The following BBS9 variants were observed in gnomAD, a reference collection of about 807,000 sequenced individuals.
The protein encoded by BBS9 is protein PTHB1.
In BBS9, 89 loss-of-function variants were observed where a neutral mutation model predicts 117.7. The ratio of observed to expected loss-of-function variants is 0.76; its 90% CI spans 0.64 to 0.90. The LOEUF is 0.90. Among genes scored for constraint, BBS9 ranks in the 40% least tolerant of loss-of-function variants. The pLI, the probability that BBS9 is intolerant of heterozygous loss-of-function variation, is 0.00. For synonymous variants in BBS9, 379 were observed against 370.9 expected (o/e 1.02, Z -0.25); for missense variants, 982 against 1,042.2 (o/e 0.94, Z 0.80).
At chr7:33,559,781 T>C (rs1855820899) in intron 21 of BBS9, among the ~76,000 whole-genome samples, 1 of 152,166 alleles carries the variant, frequency 6.6e-6, no homozygotes, top group African/African-American at 2.4e-5. Context: ...CTTCATAATC[T>C]AGTTCCTGTG....
intron 4 of BBS9, among the ~76,000 whole-genome samples, chr7:33,162,081 C>T (rs538926160): frequency 7.2e-4 from 109 of 152,204 alleles, no homozygotes; most frequent in South Asian, 1.5e-3. Context: ...TGCCTGTTCA[C>T]GCTGCTGGTA....
intron 19 of BBS9, among the ~76,000 whole-genome samples, chr7:33,444,360 T>C (rs867834452): frequency 6.6e-6 from 1 of 152,180 alleles, no homozygotes; most frequent in African/African-American, 2.4e-5. Flanking sequence ...CTAAATATGA[T>C]TAGTTATTTT....
chr7:33,418,336 T>C (rs972664249), intron 19 of BBS9, among the ~76,000 whole-genome samples: 1 of 152,130 alleles, frequency 6.6e-6, no homozygotes, highest in Middle Eastern at 3.2e-3. Flanking sequence ...AGCGGAAGAT[T>C]GATGATGTAT....
intron 21 of BBS9, among the ~76,000 whole-genome samples, chr7:33,581,161 A>G (rs971121597): frequency 9.9e-5 from 15 of 151,824 alleles, no homozygotes; most frequent in African/African-American, 1.7e-4. Context: ...TTTTTGTTCT[A>G]AAATGTCCAT....
intron 21 of BBS9, among the ~76,000 whole-genome samples, chr7:33,574,684 AACACACACACACACACAC>A (rs371229936): frequency 8.7e-5 from 12 of 137,648 alleles, no homozygotes; most frequent in African/African-American, 3.3e-4. Flanking sequence ...AGTCATAGAA[AACACACACACACACACAC>A]ACACACACAC....
chr7:33,307,337 C>T (rs751197394), intron 9 of BBS9, among the ~76,000 whole-genome samples: 2 of 152,102 alleles, frequency 1.3e-5, no homozygotes, highest in African/African-American at 4.8e-5. Context: ...TCTTGTTTCT[C>T]ATTTTGAAGA....
chr7:33,301,863 A>G (rs1436299695), intron 9 of BBS9, among the ~76,000 whole-genome samples: 1 of 152,136 alleles, frequency 6.6e-6, no homozygotes, highest in African/African-American at 2.4e-5. Context: ...ACTGCTCTCC[A>G]TAGTGGTTGT....
At chr7:33,218,618 T>C (rs1392805401) in intron 5 of BBS9, among the ~76,000 whole-genome samples, 1 of 152,254 alleles carries the variant, frequency 6.6e-6, no homozygotes, top group Non-Finnish European at 1.5e-5. Context: ...CACGGGCTTC[T>C]TCTGTGAAAC....
At chr7:33,157,825 G>C (rs1794313388) in intron 4 of BBS9, 1 of 149,580 alleles carries the variant, frequency 6.7e-6, no homozygotes, top group East Asian at 2.0e-4. Flanking sequence ...CTTTTTGGTG[G>C]GTTATGTGTC....
intron 5 of BBS9, among the ~76,000 whole-genome samples, chr7:33,181,148 A>G (rs1337392756): frequency 6.6e-6 from 1 of 152,192 alleles, no homozygotes; most frequent in Non-Finnish European, 1.5e-5. Context: ...TTGTACCAGC[A>G]TGCCGATGCC....
intron 21 of BBS9, among the ~76,000 whole-genome samples, chr7:33,555,033 A>G (rs1044198121): frequency 6.6e-6 from 1 of 152,156 alleles, no homozygotes; most frequent in Non-Finnish European, 1.5e-5. Flanking sequence ...GATTCGTATA[A>G]ATTTGTAACA....
chr7:33,574,215 A>G (rs1263188727), intron 21 of BBS9, among the ~76,000 whole-genome samples: 1 of 152,168 alleles, frequency 6.6e-6, no homozygotes, highest in African/African-American at 2.4e-5. Flanking sequence ...AATAGTGAAT[A>G]TAAGAAGCTA....
At position 33,493,410 on chromosome 7, in the gene BBS9, T is replaced by G. The variant is rs1158413501; in HGVS notation, c.2116-12053T>G. ...TTTTGCCAATTTAGTCACACACAAATCTGAAATTCTTTTCAGTAAGTAATG... is the reference window on the plus strand; with the variant it reads ...TTTTGCCAATTTAGTCACACACAAAGCTGAAATTCTTTTCAGTAAGTAATG... On this transcript the variant is annotated intron_variant, in intron 19 of 22. Transcript: ENST00000242067. Among the ~76,000 whole-genome samples the G allele has an allele frequency of 2.0e-5, 3 of 152,194 alleles. No individual in the cohort carries two copies. The East Asian group carries it at 5.8e-4, about 29-fold the overall frequency.
At chr7:33,544,781 A>C (rs1853013693) in intron 21 of BBS9, among the ~76,000 whole-genome samples, 1 of 152,050 alleles carries the variant, frequency 6.6e-6, no homozygotes, top group Admixed American at 6.6e-5. Context: ...TTTGTTTTCC[A>C]CTACCAGGGT....
intron 19 of BBS9, among the ~76,000 whole-genome samples, chr7:33,391,352 T>G (rs1158360869): frequency 1.3e-5 from 2 of 152,182 alleles, no homozygotes; most frequent in Admixed American, 6.5e-5. Flanking sequence ...TTTAGCGTTT[T>G]TTTTCCTCCT....
chr7:33,339,352 A>T (rs1293111707), intron 10 of BBS9, among the ~76,000 whole-genome samples: 3 of 152,230 alleles, frequency 2.0e-5, no homozygotes, highest in Non-Finnish European at 4.4e-5. Context: ...CTGGGGAATT[A>T]CATGACTTAG....
intron 11 of BBS9, 40 bp from the exon 12 acceptor site, chr7:33,344,541 G>GAC: frequency 6.3e-7 from 1 of 1,589,184 alleles, no homozygotes; most frequent in Non-Finnish European, 8.6e-7. Context: ...GTGTAATATT[G>GAC]ACATCATTCT....
chr7:33,448,011 A>C (rs1837244407), intron 19 of BBS9, among the ~76,000 whole-genome samples: 1 of 152,088 alleles, frequency 6.6e-6, no homozygotes, highest in Non-Finnish European at 1.5e-5. Context: ...AAACAAAAAC[A>C]CCCAATCTAT....
At position 33,155,754 on chromosome 7, in the gene BBS9, G is replaced by A; in HGVS notation, c.328+52G>A. On this transcript the variant is annotated intron_variant, in intron 4 of 22. Transcript: ENST00000242067. ...ATTTATATTACAAATTGGGCTTAATGTTATATGAGAATAGATATTCCCTAG... is the reference window on the plus strand; with the variant it reads ...ATTTATATTACAAATTGGGCTTAATATTATATGAGAATAGATATTCCCTAG... 2 of 1,035,220 alleles carry A rather than the reference G, an allele frequency of 1.9e-6. 1 individual carries two copies. 64.1% of individuals were successfully genotyped at this position (1,035,220 alleles called of 1,614,324 possible). A position where few individuals can be genotyped will look rare whatever the true frequency, so the allele number is the denominator to read the frequency against.
Sources: gnomAD v4.1 joint callset for allele counts (sites outside exome capture counted in the v4.1 genomes callset) on GRCh38, gnomAD v4.1.1 for gene constraint, MANE v1.5 for transcripts, NCBI Gene and HGNC (gene_info 2026-07-23, HGNC 2026-07-21) for gene names.